The following SLC38A12 variants were observed in gnomAD, a reference collection of about 807,000 sequenced individuals.
SLC38A12 encodes the protein putative sodium-coupled neutral amino acid transporter 12.
chr17:74,791,708 G>A, the SLC38A12 span, among the ~76,000 whole-genome samples: 1 of 152,236 alleles, frequency 6.6e-6, no homozygotes, highest in African/African-American at 2.4e-5. Flanking sequence ...CCGGAGCCCT[G>A]AAGTGTGCTG....
chr17:74,808,976 G>A, the SLC38A12 span, among the ~76,000 whole-genome samples: 7 of 152,132 alleles, frequency 4.6e-5, no homozygotes, highest in African/African-American at 1.7e-4. Context: ...TGCCTCCCAC[G>A]CACGGGCTCC....
the SLC38A12 span, among the ~76,000 whole-genome samples, chr17:74,824,272 G>A: frequency 2.0e-5 from 3 of 152,200 alleles, no homozygotes; most frequent in African/African-American, 7.2e-5. Flanking sequence ...TCTGAGCTGG[G>A]AGAATGAAAG....
the SLC38A12 span, among the ~76,000 whole-genome samples, chr17:74,826,833 C>T: frequency 6.6e-6 from 1 of 152,180 alleles, no homozygotes; most frequent in Non-Finnish European, 1.5e-5. Context: ...TGGGGATTGC[C>T]TGGCCTTGAG....
At chr17:74,820,533 A>C in the SLC38A12 span, among the ~76,000 whole-genome samples, 1 of 152,322 alleles carries the variant, frequency 6.6e-6, no homozygotes, top group South Asian at 2.1e-4. Flanking sequence ...ACCTGGACGG[A>C]GGACAGGAGC....
chr17:74,799,654 G>A, the SLC38A12 span, among the ~76,000 whole-genome samples: 1 of 152,216 alleles, frequency 6.6e-6, no homozygotes, highest in African/African-American at 2.4e-5. Context: ...TTCAGGCTCA[G>A]GTTGACACCG....
At chr17:74,832,880 G>A in the SLC38A12 span, among the ~76,000 whole-genome samples, 3 of 152,366 alleles carry the variant, frequency 2.0e-5, no homozygotes, top group South Asian at 6.2e-4. Flanking sequence ...CTTGGTTTTT[G>A]CAAATAGACT....
At chr17:74,814,186 T>G in the SLC38A12 span, among the ~76,000 whole-genome samples, 3 of 152,212 alleles carry the variant, frequency 2.0e-5, no homozygotes, top group Non-Finnish European at 2.9e-5. Context: ...CACCAGAGTC[T>G]GATCCCCTTC....
chr17:74,830,831 G>A, the SLC38A12 span, among the ~76,000 whole-genome samples: 2 of 152,228 alleles, frequency 1.3e-5, no homozygotes, highest in Non-Finnish European at 2.9e-5. Flanking sequence ...AGGTGTCAGT[G>A]TGCGAGGGAG....
At chr17:74,785,556 C>T in the SLC38A12 span, 625 of 1,614,158 alleles carry the variant, frequency 3.9e-4, 2 homozygotes, top group African/African-American at 6.2e-3. Flanking sequence ...TCGCCACTGC[C>T]GGGTGGCTTG....
the SLC38A12 span, among the ~76,000 whole-genome samples, chr17:74,820,598 T>G: frequency 3.3e-5 from 5 of 152,198 alleles, no homozygotes; most frequent in Admixed American, 1.3e-4. Flanking sequence ...ACCCCTCTTC[T>G]GCTCAATCTA....
chr17:74,838,112 C>T, the SLC38A12 span: 2 of 985,688 alleles, frequency 2.0e-6, no homozygotes, highest in Admixed American at 6.1e-5. Flanking sequence ...GGGGAGCCCA[C>T]GGGCTGCGCC....
chr17:74,789,979 G>T, the SLC38A12 span, among the ~76,000 whole-genome samples: 2 of 145,262 alleles, frequency 1.4e-5, no homozygotes, highest in Admixed American at 6.8e-5. Flanking sequence ...TTGAGACAGG[G>T]TCTTCGCTCT....
chr17:74,778,358 A>G, the SLC38A12 span, among the ~76,000 whole-genome samples: 1 of 152,208 alleles, frequency 6.6e-6, no homozygotes, highest in South Asian at 2.1e-4. Context: ...CAAAAGCAGC[A>G]CTGCCCTAAG....
chr17:74,820,779 C>T, the SLC38A12 span, among the ~76,000 whole-genome samples: 44 of 152,290 alleles, frequency 2.9e-4, 1 homozygote, highest in East Asian at 8.1e-3. Flanking sequence ...CCACTGTGCT[C>T]GCCCATTCTA....
the SLC38A12 span, chr17:74,838,191 CTG>C: frequency 1.0e-6 from 1 of 985,654 alleles, no homozygotes; most frequent in Non-Finnish European, 1.2e-6. Flanking sequence ...CCCGCTTTCT[CTG>C]TGCCGTCGCA....
chr17:74,782,895 C>T, the SLC38A12 span, among the ~76,000 whole-genome samples: 7 of 152,054 alleles, frequency 4.6e-5, no homozygotes, highest in South Asian at 2.1e-4. Flanking sequence ...TTTGAAAGGT[C>T]GAGGAGGGTG....
At chr17:74,839,019 C>T in the SLC38A12 span, 468 of 1,535,634 alleles carry the variant, frequency 3.0e-4, no homozygotes, top group Non-Finnish European at 3.8e-4. Flanking sequence ...TGCATGGCCC[C>T]AGATGCCCCC....
At chr17:74,801,631 G>C in the SLC38A12 span, among the ~76,000 whole-genome samples, 1 of 152,174 alleles carries the variant, frequency 6.6e-6, no homozygotes, top group Non-Finnish European at 1.5e-5. Flanking sequence ...AAAAATGTGC[G>C]TGCCCGTACC....
the SLC38A12 span, among the ~76,000 whole-genome samples, chr17:74,783,733 T>C: frequency 3.1e-3 from 393 of 127,290 alleles, 2 homozygotes; most frequent in Middle Eastern, 7.9e-3. Flanking sequence ...TTTTTTTTTT[T>C]TTTTTTTTTT....
Sources: allele counts gnomAD v4.1 joint callset (sites outside exome capture counted in the v4.1 genomes callset), GRCh38; gene constraint gnomAD v4.1.1; transcripts MANE v1.5; gene names NCBI Gene and HGNC (gene_info 2026-07-23, HGNC 2026-07-21).